PLIN3: variants seen among roughly 807,000 people sequenced by gnomAD.
The protein encoded by PLIN3 is perilipin 3.
A neutral mutation model predicts 35.9 loss-of-function variants in PLIN3; 30 were observed. The ratio of observed to expected loss-of-function variants is 0.84; its 90% CI spans 0.62 to 1.13. PLIN3 has a LOEUF of 1.13. Among genes scored for constraint, PLIN3 ranks in the 50% most tolerant of loss-of-function variants. The probability of loss-of-function intolerance (pLI) is 0.00; values close to 1 mark genes in which losing one functional copy is unlikely to be tolerated. For synonymous variants in PLIN3, 261 were observed against 262.5 expected (o/e 0.99, Z 0.06); for missense variants, 603 against 596.9 (o/e 1.01, Z -0.11).
At chr19:4,844,985 G>C (rs1693461348) in intron 6 of PLIN3, among the ~76,000 whole-genome samples, 192 bp from the exon 7 acceptor site, 1 of 152,142 alleles carries the variant, frequency 6.6e-6, no homozygotes, top group South Asian at 2.1e-4. Context: ...ACATACTCAG[G>C]CTCTGTGTGG....
chr19:4,860,353 C>T (rs1163106667), intron 2 of PLIN3, among the ~76,000 whole-genome samples: 1 of 151,996 alleles, frequency 6.6e-6, no homozygotes, highest in Non-Finnish European at 1.5e-5. Flanking sequence ...ATTACGGGTG[C>T]CACCACGCCC....
intron 4 of PLIN3, 126 bp from the exon 5 acceptor site, chr19:4,852,427 G>T: frequency 8.5e-7 from 1 of 1,173,232 alleles, no homozygotes; most frequent in South Asian, 1.5e-5. Flanking sequence ...CAGCATCTCC[G>T]TCTTCCCTCT....
intron 7 of PLIN3, 111 bp from the exon 8 acceptor site, chr19:4,839,647 A>G: frequency 1.3e-6 from 1 of 789,968 alleles, no homozygotes; most frequent in Non-Finnish European, 1.8e-6. Flanking sequence ...CCTTGGGGCA[A>G]ACGCTTTCCA....
At chr19:4,849,436 A>G (rs1443046153) in intron 5 of PLIN3, among the ~76,000 whole-genome samples, 1 of 151,648 alleles carries the variant, frequency 6.6e-6, no homozygotes, top group Non-Finnish European at 1.5e-5. Context: ...GCTCCCAAAT[A>G]GCAACTGGGA....
At chr19:4,856,161 A>G (rs541615413) in intron 4 of PLIN3, among the ~76,000 whole-genome samples, 2 of 152,206 alleles carry the variant, frequency 1.3e-5, no homozygotes, top group East Asian at 3.9e-4. Flanking sequence ...CCCAGGGATC[A>G]CCTATTTCTG....
At chr19:4,863,497 CAAAAAA>C (rs57974543) in intron 1 of PLIN3, among the ~76,000 whole-genome samples, 15 of 119,986 alleles carry the variant, frequency 1.3e-4, no homozygotes, top group African/African-American at 4.2e-4. Flanking sequence ...AACTCTGTCT[CAAAAAA>C]AAAAAAAAAA....
chr19:4,860,855 C>A (rs1485447400), intron 2 of PLIN3, among the ~76,000 whole-genome samples: 1 of 152,058 alleles, frequency 6.6e-6, no homozygotes, highest in African/African-American at 2.4e-5. Flanking sequence ...CCTGTTACCC[C>A]AGCTACTTGG....
chr19:4,851,032 G>C (rs1376966850), intron 5 of PLIN3, among the ~76,000 whole-genome samples: 2 of 152,130 alleles, frequency 1.3e-5, no homozygotes, highest in Non-Finnish European at 2.9e-5. Context: ...GGGCGTGATG[G>C]TGTGTGCTTG....
chr19:4,847,904 G>A lies in PLIN3; in HGVS notation c.635-14C>T, dbSNP rs1398808558. ...TGGCGATGCGGGCTGCAAGGAAAAGGAGAAGGGTCTCTGTGAAGACCAGAA... is the reference window on the plus strand; with the variant it reads ...TGGCGATGCGGGCTGCAAGGAAAAGAAGAAGGGTCTCTGTGAAGACCAGAA... On this transcript the variant is annotated splice_polypyrimidine_tract_variant and intron_variant, in intron 5 of 7. Coordinates refer to ENST00000221957, the MANE Select transcript of PLIN3 (RefSeq NM_005817.5). The A allele has an allele frequency of 1.9e-6, 3 of 1,605,242 alleles. No homozygotes were observed. The highest frequency in any genetic ancestry group is 2.2e-5 in the East Asian group (1 of 44,672).
chr19:4,861,419 G>A lies in PLIN3; in HGVS notation c.-17-8C>T. On this transcript the variant is annotated splice_region_variant and splice_polypyrimidine_tract_variant and intron_variant, in intron 1 of 7. Transcript: ENST00000221957. ...TGGTCTCTGCAGCAGACGCTGAGGA[G>A]AGAGGAACAGTCAGGTACAGCCTGC... 6.2e-7 allele frequency: 1 copy of A among 1,603,130 alleles called. No individual in the cohort carries two copies. The highest frequency in any genetic ancestry group is 8.5e-7 in the Non-Finnish European group (1 of 1,174,138).
intron 5 of PLIN3, among the ~76,000 whole-genome samples, chr19:4,848,106 C>T (rs1332573685): frequency 2.6e-5 from 4 of 152,148 alleles, no homozygotes; most frequent in Non-Finnish European, 4.4e-5. Context: ...GCCTCAGCCT[C>T]CCGAGTAACT....
At chr19:4,846,244 G>C (rs185588520) in intron 6 of PLIN3, among the ~76,000 whole-genome samples, 1 of 151,506 alleles carries the variant, frequency 6.6e-6, no homozygotes, top group East Asian at 1.9e-4. Context: ...CTCCAAGATG[G>C]GTGCACCTAA....
At chr19:4,865,246 T>C (rs1335349853) in intron 1 of PLIN3, among the ~76,000 whole-genome samples, 1 of 151,830 alleles carries the variant, frequency 6.6e-6, no homozygotes, top group East Asian at 1.9e-4. Context: ...CCCAGCACTT[T>C]GGGAGGCTGA....
intron 6 of PLIN3, among the ~76,000 whole-genome samples, chr19:4,846,757 TAC>T (rs2030112093): frequency 1.3e-5 from 2 of 151,962 alleles, no homozygotes; most frequent in South Asian, 4.1e-4. Flanking sequence ...ACCACGTGAA[TAC>T]ACAGAGAGAA....
rs2030308455 is a variant in PLIN3, at chr19:4,852,025, C to T, written c.625G>A (p.Ala209Thr). The T allele has an allele frequency of 6.2e-7, 1 of 1,613,178 alleles. No homozygotes were observed. Among genetic ancestry groups the T allele is most frequent in the Non-Finnish European group, 8.5e-7 (1 of 1,179,608 alleles). Reference protein sequence around the residue: ...WADNHLPLTDAELARIATSLD... With the variant: ...WADNHLPLTDTELARIATSLD... The stretch of plus-strand genomic sequence containing the variant: ...CGCTGGCCACACTTACCCAGTTCGG[C>T]ATCCGTAAGGGGCAGGTGGTTGTCC... The change falls in exon 5 of 8, where the codon GCC becomes ACC. Residue 209 changes from alanine (A) to threonine (T), a missense_variant. Coordinates refer to ENST00000221957, the MANE Select transcript of PLIN3 (RefSeq NM_005817.5).
intron 4 of PLIN3, among the ~76,000 whole-genome samples, chr19:4,856,406 A>C (rs2030477076): frequency 6.6e-6 from 1 of 151,920 alleles, no homozygotes; most frequent in South Asian, 2.1e-4. Context: ...TAAAAAGATA[A>C]AATTACCCAG....
At chr19:4,857,930 T>G (rs2030526368) in intron 4 of PLIN3, among the ~76,000 whole-genome samples, 2 of 149,800 alleles carry the variant, frequency 1.3e-5, no homozygotes. Flanking sequence ...GAGCTGAAAC[T>G]GCACCAGTGC....
intron 4 of PLIN3, among the ~76,000 whole-genome samples, chr19:4,858,050 G>C (rs1249261580): frequency 6.6e-6 from 1 of 151,634 alleles, no homozygotes; most frequent in African/African-American, 2.4e-5. Flanking sequence ...CGAGGCGGGA[G>C]GATCACGAGG....
rs151121475 is a variant in PLIN3 at position 4,840,018 on chromosome 19, C to T, written c.961-482G>A. ...AGTCTTGCTCTGTTGCCCAGGTTGG[C>T]GTGCAGTGGCATGATTTTGGCTCAC... On this transcript the variant is annotated intron_variant, in intron 7 of 7. Coordinates refer to ENST00000221957, the MANE Select transcript of PLIN3 (RefSeq NM_005817.5). 8.3e-3 allele frequency among the ~76,000 whole-genome samples: 1,010 copies of T among 121,978 alleles called. 9 individuals are homozygous for T. Among genetic ancestry groups the T allele is most frequent in the African/African-American group, 0.031 (964 of 31,316 alleles). The allele number at this position is 121,978 out of a possible 152,430, so 80.0% of individuals were successfully genotyped here.
Sources: gnomAD v4.1 joint callset for allele counts (sites outside exome capture counted in the v4.1 genomes callset) on GRCh38, gnomAD v4.1.1 for gene constraint, MANE v1.5 for transcripts, NCBI Gene and HGNC (gene_info 2026-07-23, HGNC 2026-07-21) for gene names.